Variants in CFAP43 observed in about 807,000 individuals in gnomAD.
CFAP43 encodes the protein cilia- and flagella-associated protein 43.
Under a neutral mutation model 218.9 loss-of-function variants are expected in CFAP43, and 155 were observed. That is an observed-to-expected ratio of 0.71 (90% confidence interval 0.62 to 0.81). The LOEUF is 0.81. CFAP43 is among the 30% of genes least tolerant of loss of function. The pLI is 0.00. For synonymous variants in CFAP43, 645 were observed against 681.3 expected (o/e 0.95, Z 0.83); for missense variants, 1,778 against 1,954.3 (o/e 0.91, Z 1.70).
At chr10:104,133,077 G>A (rs758615456) in intron 35 of CFAP43, among the ~76,000 whole-genome samples, 4 of 152,210 alleles carry the variant, frequency 2.6e-5, no homozygotes, top group Non-Finnish European at 4.4e-5. Context: ...AGAGCTGCTG[G>A]GAGGTGAAAA....
chr10:104,206,356 T>C lies in CFAP43; in HGVS notation c.896-326A>G, dbSNP rs114384683. Among the ~76,000 whole-genome samples, 491 of 152,206 alleles carry C rather than the reference T, an allele frequency of 3.2e-3. 3 individuals are homozygous for C. The highest frequency in any genetic ancestry group is 0.011 in the African/African-American group (470 of 41,514). On this transcript the variant is annotated intron_variant, in intron 6 of 37. Transcript: ENST00000357060. Reference sequence around the variant, plus strand: ...GGGGAAAACTTGCTGGAGGGGGTGGTATTTGAGCTGGGCATTGGCAGATTC... The same window carrying C: ...GGGGAAAACTTGCTGGAGGGGGTGGCATTTGAGCTGGGCATTGGCAGATTC...
At chr10:104,141,437 C>T (rs2087700792) in intron 33 of CFAP43, among the ~76,000 whole-genome samples, 3 of 152,026 alleles carry the variant, frequency 2.0e-5, no homozygotes, top group Admixed American at 2.0e-4. Flanking sequence ...CATGGCGAAA[C>T]CCCATCTCTA....
rs777956017 is a variant in CFAP43, at chr10:104,179,865, G to C, written c.2357C>G (p.Pro786Arg). The C allele has an allele frequency of 6.2e-7, 1 of 1,613,498 alleles. No homozygotes were observed. The highest frequency in any genetic ancestry group is 8.5e-7 in the Non-Finnish European group (1 of 1,179,740). ...CTCTTGGCTTTTTTGTTGTATCCAAGGAATTTCCTTCTTAACATCGGTTAG... is the reference window on the plus strand; with the variant it reads ...CTCTTGGCTTTTTTGTTGTATCCAACGAATTTCCTTCTTAACATCGGTTAG... ...LVLTDVKKEI[P>R]WIQQKSQEAI... The change falls in exon 18 of 38, where the codon CCT (proline) becomes CGT (arginine). Residue 786 changes from proline (P) to arginine (R), a missense_variant. By Grantham distance (103) the Pro-to-Arg change is moderately radical (BLOSUM62 -2). Transcript: ENST00000357060.
intron 27 of CFAP43, among the ~76,000 whole-genome samples, chr10:104,159,289 T>A: frequency 6.6e-6 from 1 of 152,066 alleles, no homozygotes; most frequent in East Asian, 1.9e-4. Context: ...AGGAGTTGGG[T>A]TTTTTCCTTT....
At position 104,175,091 on chromosome 10, in the gene CFAP43, A is replaced by AC. The variant is rs55878910; in HGVS notation, c.2461-2557_2461-2556insG. ...AACAAACAAACAAACAAACAAACAAAAAAAAACCAAAAAGAAAATATAACT... is the reference window on the plus strand; with the variant it reads ...AACAAACAAACAAACAAACAAACAAACAAAAAACCAAAAAGAAAATATAACT... On this transcript the variant is annotated intron_variant, in intron 19 of 37. Coordinates refer to ENST00000357060, the MANE Select transcript of CFAP43 (RefSeq NM_025145.7). Among the ~76,000 whole-genome samples the AC allele has an allele frequency of 2.0e-3, 308 of 151,394 alleles. 1 individual carries two copies. Among genetic ancestry groups the AC allele is most frequent in the Non-Finnish European group, 2.5e-3 (166 of 67,750 alleles).
At chr10:104,214,567 TATAA>T in intron 3 of CFAP43, 141 bp from the exon 4 acceptor site, 1 of 744,842 alleles carries the variant, frequency 1.3e-6, no homozygotes, top group Non-Finnish European at 2.0e-6. Context: ...ATGTCAAATT[TATAA>T]ATAATTATGC....
intron 11 of CFAP43, chr10:104,193,021 C>T (rs531522339): frequency 2.2e-4 from 34 of 152,232 alleles, no homozygotes; most frequent in African/African-American, 8.2e-4. Context: ...GGATCACATG[C>T]CACAAGCTAC....
At chr10:104,152,126 C>A (rs1179946542) in intron 28 of CFAP43, among the ~76,000 whole-genome samples, 1 of 152,100 alleles carries the variant, frequency 6.6e-6, no homozygotes, top group Non-Finnish European at 1.5e-5. Flanking sequence ...GAACAAAGCC[C>A]TTTGCTATTT....
At chr10:104,154,760 T>C (rs1425056604) in intron 27 of CFAP43, among the ~76,000 whole-genome samples, 1 of 152,224 alleles carries the variant, frequency 6.6e-6, no homozygotes, top group East Asian at 1.9e-4. Flanking sequence ...CTTCTTCAAA[T>C]GCCCCAAATT....
rs2134956931 is a variant in CFAP43, at chr10:104,205,970, G to A, written c.956C>T (p.Ser319Phe). 1 of 1,606,640 alleles carries A rather than the reference G, an allele frequency of 6.2e-7. No homozygotes were observed. The highest frequency in any genetic ancestry group is 8.5e-7 in the Non-Finnish European group (1 of 1,178,350). The change falls in exon 7 of 38, where the codon TCT (serine) becomes TTT (phenylalanine). Residue 319 changes from serine (S) to phenylalanine (F), a missense_variant. Transcript: ENST00000357060. The stretch of plus-strand genomic sequence containing the variant: ...AAAAAAAGAATACATTACAATTCCA[G>A]AAGCCAGCACGCCCTCCTTCTGATA... ...LVYQKEGVLA[S>F]GIDGFVYSFI...
At chr10:104,155,038 T>C (rs2088467041) in intron 27 of CFAP43, among the ~76,000 whole-genome samples, 1 of 151,962 alleles carries the variant, frequency 6.6e-6, no homozygotes. Flanking sequence ...AGCTGAGCAA[T>C]GAAGCCATCT....
intron 3 of CFAP43, among the ~76,000 whole-genome samples, chr10:104,221,233 C>T (rs2091172022): frequency 6.6e-6 from 1 of 152,124 alleles, no homozygotes; most frequent in Admixed American, 6.5e-5. Context: ...CCTTGGCCTC[C>T]CAAAGTGTTG....
chr10:104,144,375 G>A (rs937772643), intron 31 of CFAP43, among the ~76,000 whole-genome samples: 42 of 152,206 alleles, frequency 2.8e-4, no homozygotes, highest in African/African-American at 1.0e-3. Context: ...AAACCGCCGG[G>A]CGAGATGGCT....
At position 104,165,859 on chromosome 10, in the gene CFAP43, C is replaced by T. The variant is rs147940346; in HGVS notation, c.3039+629G>A. ...AATCCTAATTGACATTTGGGTATAC[C>T]GAGAAAACGGAATTCTAGTGTTTTC... is the stretch of plus-strand genomic sequence containing the variant. On this transcript the variant is annotated intron_variant, in intron 23 of 37. Transcript: ENST00000357060. Among the ~76,000 whole-genome samples, 39 of 152,036 alleles carry T rather than the reference C, an allele frequency of 2.6e-4. No homozygotes were observed. The East Asian group carries it at 7.0e-3, about 27-fold the overall frequency.
chr10:104,131,639 G>A (rs1260804267), intron 36 of CFAP43, among the ~76,000 whole-genome samples, 155 bp from the exon 37 acceptor site: 3 of 152,168 alleles, frequency 2.0e-5, no homozygotes, highest in African/African-American at 2.4e-5. Context: ...AGGCACTCGA[G>A]TTATTTGTTG....
intron 24 of CFAP43, among the ~76,000 whole-genome samples, 170 bp downstream of exon 24, chr10:104,163,924 C>T (rs957230682): frequency 3.3e-5 from 5 of 152,186 alleles, no homozygotes; most frequent in African/African-American, 9.7e-5. Flanking sequence ...CCACAGGATT[C>T]GTAAAAGAAA....
intron 34 of CFAP43, 106 bp from the exon 35 acceptor site, chr10:104,133,890 A>T: frequency 9.4e-7 from 1 of 1,059,838 alleles, no homozygotes; most frequent in Non-Finnish European, 1.3e-6. Context: ...TCACAGAGAT[A>T]ATTCTGTCTT....
Position 104,132,176 on chromosome 10 carries a change from A to G in CFAP43, c.4617T>C (p.Tyr1539=). 1 of 1,602,246 alleles carries G rather than the reference A, an allele frequency of 6.2e-7. No individual in the cohort carries two copies. Among genetic ancestry groups the G allele is most frequent in the Non-Finnish European group, 8.5e-7 (1 of 1,175,188 alleles). ...DRQKYLNEPN[Y]EALISIQIGI... is the part of the protein sequence containing the mutation. ...CAATCTGAATACTAATCAGAGCCTC[A>G]TAGTTTGGTTCATTTAGGTACTTTG... The change falls in exon 36 of 38, where the codon TAT becomes TAC. Residue 1539 remains tyrosine, a synonymous_variant. Coordinates refer to ENST00000357060, the MANE Select transcript of CFAP43 (RefSeq NM_025145.7).
chr10:104,138,651 G>T lies in CFAP43; in HGVS notation c.4431+2191C>A, dbSNP rs574733520. Among the ~76,000 whole-genome samples the T allele has an allele frequency of 2.6e-5, 4 of 151,462 alleles. No homozygotes were observed. The South Asian group carries it at 8.3e-4, about 32-fold the overall frequency. On this transcript the variant is annotated intron_variant, in intron 34 of 37. Coordinates refer to ENST00000357060, the MANE Select transcript of CFAP43 (RefSeq NM_025145.7). ...GATAGTGCCATTGCACACCAGCCTG[G>T]GCAATAAGAGCAAAGCTCAGTCTAA...
Sources: gnomAD v4.1 joint callset for allele counts (sites outside exome capture counted in the v4.1 genomes callset) on GRCh38, gnomAD v4.1.1 for gene constraint, MANE v1.5 for transcripts, NCBI Gene and HGNC (gene_info 2026-07-23, HGNC 2026-07-21) for gene names.